ADARB2: variants seen among roughly 807,000 people sequenced by gnomAD.
The protein encoded by ADARB2 is adenosine deaminase RNA specific B2 (inactive).
Under a neutral mutation model 62.2 loss-of-function variants are expected in ADARB2, and 25 were observed. The ratio of observed to expected loss-of-function variants is 0.40; its 90% confidence interval spans 0.29 to 0.56. The LOEUF (loss-of-function observed/expected upper bound fraction) is 0.56. ADARB2 is among the 20% of genes least tolerant of loss of function. The pLI, the probability that ADARB2 is intolerant of heterozygous loss-of-function variation, is 0.43. For synonymous variants in ADARB2, 572 were observed against 500.8 expected (o/e 1.14, Z -1.90); for missense variants, 1,071 against 1,077.4 (o/e 0.99, Z 0.08).
At chr10:1,406,914 G>GC (rs1448425079) in intron 1 of ADARB2, among the ~76,000 whole-genome samples, 1 of 152,132 alleles carries the variant, frequency 6.6e-6, no homozygotes, top group African/African-American at 2.4e-5. Context: ...AGGAGCTTAT[G>GC]CCCCCCTCGC....
At position 1,557,701 on chromosome 10, in the gene ADARB2, C is replaced by T. The variant is rs199915792; in HGVS notation, c.101-178541G>A. Among the ~76,000 whole-genome samples, 11 of 152,218 alleles carry T rather than the reference C, an allele frequency of 7.2e-5. No homozygotes were observed. In the East Asian group the frequency reaches 7.7e-4, roughly 11 times the overall value. On this transcript the variant is annotated intron_variant, in intron 1 of 9. Transcript: ENST00000381312. The stretch of plus-strand genomic sequence containing the variant: ...GGTGGATCACCTGAGGCCAGGTGTT[C>T]GAGACCAGCCTGACCAACATGGTGA...
At chr10:1,684,353 G>A (rs1027551860) in intron 1 of ADARB2, among the ~76,000 whole-genome samples, 2 of 152,148 alleles carry the variant, frequency 1.3e-5, no homozygotes, top group African/African-American at 4.8e-5. Flanking sequence ...TCAGAACTCA[G>A]AGAAACATAG....
rs147744504 is a variant in ADARB2, at chr10:1,200,132, C to T, written c.1698G>A (p.Gly566=). The stretch of plus-strand genomic sequence containing the variant: ...AGTGGGACAGGAGCGCGCCCTGCAG[C>T]CCCAGGACGTTCCACCTGTGGGGAG... ...TDKIARWNVL[G]LQGALLSHFV... The change falls in exon 8 of 10, where the codon GGG becomes GGA. Residue 566 remains glycine (G), a synonymous_variant. Transcript: ENST00000381312. 811 of 1,550,658 alleles carry T rather than the reference C, an allele frequency of 5.2e-4. 8 individuals carry two copies. In the African/African-American group the frequency reaches 9.4e-3, roughly 18 times the overall value.
intron 1 of ADARB2, among the ~76,000 whole-genome samples, chr10:1,418,424 G>A (rs2131883441): frequency 6.6e-6 from 1 of 152,296 alleles, no homozygotes; most frequent in South Asian, 2.1e-4. Flanking sequence ...GACGCCACGG[G>A]GGAGCCTTGT....
intron 1 of ADARB2, among the ~76,000 whole-genome samples, chr10:1,633,689 C>G (rs1167243769): frequency 6.6e-6 from 1 of 152,122 alleles, no homozygotes; most frequent in Non-Finnish European, 1.5e-5. Flanking sequence ...AGTGCACACA[C>G]TATCTTATAT....
chr10:1,358,343 G>C (rs1185299977), intron 3 of ADARB2, among the ~76,000 whole-genome samples: 2 of 152,194 alleles, frequency 1.3e-5, no homozygotes, highest in Non-Finnish European at 2.9e-5. Context: ...CTCAGCCCTT[G>C]AGGATTGCTT....
intron 1 of ADARB2, among the ~76,000 whole-genome samples, chr10:1,681,830 G>A (rs1324165866): frequency 6.6e-6 from 1 of 152,072 alleles, no homozygotes; most frequent in South Asian, 2.1e-4. Flanking sequence ...GGCTCCCTGC[G>A]AGCAATCCTC....
At chr10:1,593,574 C>A (rs1833295285) in intron 1 of ADARB2, among the ~76,000 whole-genome samples, 1 of 152,228 alleles carries the variant, frequency 6.6e-6, no homozygotes, top group Non-Finnish European at 1.5e-5. Flanking sequence ...CCACTGTACA[C>A]CATTTCTGCG....
At chr10:1,644,013 C>T (rs1375375395) in intron 1 of ADARB2, among the ~76,000 whole-genome samples, 4 of 152,192 alleles carry the variant, frequency 2.6e-5, no homozygotes, top group Non-Finnish European at 4.4e-5. Context: ...GGCTGTCTCC[C>T]GGCCCCACTC....
intron 1 of ADARB2, among the ~76,000 whole-genome samples, chr10:1,473,441 G>T (rs574692574): frequency 5.3e-5 from 8 of 152,138 alleles, no homozygotes; most frequent in African/African-American, 1.9e-4. Flanking sequence ...GGAGTGCAGT[G>T]GTGTGATGTC....
intron 1 of ADARB2, among the ~76,000 whole-genome samples, chr10:1,464,056 T>C (rs938065490): frequency 6.6e-6 from 1 of 151,836 alleles, no homozygotes; most frequent in Non-Finnish European, 1.5e-5. Flanking sequence ...CTGACAAGGA[T>C]GTGGAGGGGC....
chr10:1,362,968 C>CA (rs1317259673), intron 3 of ADARB2, 60 bp downstream of exon 3: 2 of 1,260,272 alleles, frequency 1.6e-6, no homozygotes, highest in Admixed American at 4.1e-5. Flanking sequence ...AGGGAAAGGT[C>CA]GGGGTCTCCC....
At chr10:1,302,931 A>G (rs1831588763) in intron 3 of ADARB2, among the ~76,000 whole-genome samples, 1 of 152,180 alleles carries the variant, frequency 6.6e-6, no homozygotes, top group South Asian at 2.1e-4. Context: ...ATGGGGAAAA[A>G]ACAGAACAGA....
chr10:1,402,798 G>T (rs961995841), intron 1 of ADARB2, among the ~76,000 whole-genome samples: 6 of 152,008 alleles, frequency 3.9e-5, no homozygotes, highest in African/African-American at 1.4e-4. Flanking sequence ...TACTCTCCTG[G>T]CAAAAAGGGA....
At chr10:1,341,744 C>T (rs1400004437) in intron 3 of ADARB2, among the ~76,000 whole-genome samples, 2 of 152,092 alleles carry the variant, frequency 1.3e-5, no homozygotes, top group South Asian at 4.2e-4. Context: ...CGGCGATAAC[C>T]AGCATCCACC....
chr10:1,526,553 G>A, intron 1 of ADARB2: 1 of 188,724 alleles, frequency 5.3e-6, no homozygotes. Flanking sequence ...GAAGAGCCTG[G>A]CCCCTCCCAC....
chr10:1,533,018 G>A (rs909860564), intron 1 of ADARB2, among the ~76,000 whole-genome samples: 2 of 152,190 alleles, frequency 1.3e-5, no homozygotes, highest in African/African-American at 4.8e-5. Flanking sequence ...CAGGGTAGGG[G>A]CCGGCCTCCA....
chr10:1,440,057 A>G (rs916650563), intron 1 of ADARB2, among the ~76,000 whole-genome samples: 7 of 143,934 alleles, frequency 4.9e-5, no homozygotes, highest in Non-Finnish European at 1.1e-4. Flanking sequence ...CAGCAGATGG[A>G]GGCAGGTTCT....
intron 1 of ADARB2, among the ~76,000 whole-genome samples, chr10:1,550,286 C>T (rs959797327): frequency 1.3e-5 from 2 of 152,160 alleles, no homozygotes; most frequent in African/African-American, 4.8e-5. Context: ...CTTTATTCTC[C>T]CTGAATTTCC....
Sources: allele counts gnomAD v4.1 joint callset (sites outside exome capture counted in the v4.1 genomes callset), GRCh38; gene constraint gnomAD v4.1.1; transcripts MANE v1.5; gene names NCBI Gene and HGNC (gene_info 2026-07-23, HGNC 2026-07-21).